RFX3: variants seen among roughly 807,000 people sequenced by gnomAD.
RFX3 encodes the protein regulatory factor X3.
Under a neutral mutation model 98.6 loss-of-function variants are expected in RFX3, and 14 were observed. That is an observed-to-expected ratio of 0.14 (90% CI 0.09 to 0.22). The LOEUF is 0.22. Ranked by LOEUF, RFX3 falls within the 10% of genes least tolerant of loss-of-function variation. The pLI, the probability that RFX3 is intolerant of heterozygous loss-of-function variation, is 1.00. For missense variants in RFX3, 639 were observed against 926.9 expected, an observed-to-expected ratio of 0.69 and a Z score of 4.03; for synonymous variants, 383 against 328.4, an observed-to-expected ratio of 1.17 and a Z score of -1.80.
intron 9 of RFX3, among the ~76,000 whole-genome samples, chr9:3,273,826 C>T (rs1316057330): frequency 1.3e-5 from 2 of 148,496 alleles, no homozygotes; most frequent in Non-Finnish European, 3.0e-5. Context: ...GATCGCACTA[C>T]TGCACTCCAG....
At chr9:3,323,432 G>C (rs972334825) in intron 4 of RFX3, among the ~76,000 whole-genome samples, 1 of 152,128 alleles carries the variant, frequency 6.6e-6, no homozygotes, top group Non-Finnish European at 1.5e-5. Flanking sequence ...TTTTATAAGT[G>C]AAGCATTAAG....
At chr9:3,259,008 A>T (rs1822514608) in intron 13 of RFX3, among the ~76,000 whole-genome samples, 1 of 151,968 alleles carries the variant, frequency 6.6e-6, no homozygotes, top group Non-Finnish European at 1.5e-5. Context: ...CCATCTTTCC[A>T]TGTAGGCAAA....
At chr9:3,312,057 G>T (rs1830024384) in intron 4 of RFX3, among the ~76,000 whole-genome samples, 1 of 152,204 alleles carries the variant, frequency 6.6e-6, no homozygotes, top group Admixed American at 6.5e-5. Flanking sequence ...AATTAATAAT[G>T]TAGGTACTGA....
intron 3 of RFX3, among the ~76,000 whole-genome samples, chr9:3,337,197 G>C (rs989835880): frequency 1.3e-5 from 2 of 152,128 alleles, no homozygotes; most frequent in Non-Finnish European, 2.9e-5. Flanking sequence ...CCATGACTGA[G>C]ATGGGCCATG....
chr9:3,333,440 T>G (rs28458958), intron 3 of RFX3, among the ~76,000 whole-genome samples: 11 of 123,632 alleles, frequency 8.9e-5, no homozygotes, highest in Admixed American at 1.6e-4. Flanking sequence ...AAAATGTTTT[T>G]TTTTTTTTTT....
At chr9:3,468,679 T>C (rs1052085751) in intron 1 of RFX3, among the ~76,000 whole-genome samples, 3 of 152,090 alleles carry the variant, frequency 2.0e-5, no homozygotes, top group Non-Finnish European at 1.5e-5. Context: ...TGCAGCTCCA[T>C]TTGCTTTCTT....
chr9:3,363,902 G>A (rs181254838), intron 2 of RFX3, among the ~76,000 whole-genome samples: 68 of 152,340 alleles, frequency 4.5e-4, no homozygotes, highest in African/African-American at 1.6e-3. Context: ...TTGAGACGGA[G>A]TCTCACTTTG....
At chr9:3,457,189 G>C (rs1456533059) in intron 1 of RFX3, among the ~76,000 whole-genome samples, 19 of 138,140 alleles carry the variant, frequency 1.4e-4, no homozygotes, top group Non-Finnish European at 2.8e-4. Context: ...TTGTCCCAAG[G>C]ATAAACATAA....
Position 3,248,190 on chromosome 9 carries a change from T to C in RFX3, c.1815-5A>G. 3.1e-6 allele frequency: 5 copies of C among 1,589,622 alleles called. No individual in the cohort carries two copies. Among genetic ancestry groups the C allele is most frequent in the Non-Finnish European group, 4.3e-6 (5 of 1,166,478 alleles). ...AAGTCCCGAATAACCATTGAGCTGTTCCAAGAGAAAAGACAAATATGCAGC... is the reference window on the plus strand; with the variant it reads ...AAGTCCCGAATAACCATTGAGCTGTCCCAAGAGAAAAGACAAATATGCAGC... On this transcript the variant is annotated splice_region_variant and splice_polypyrimidine_tract_variant and intron_variant, in intron 14 of 16. Transcript: ENST00000617270.
intron 1 of RFX3, among the ~76,000 whole-genome samples, chr9:3,433,524 T>C (rs1425550019): frequency 6.6e-6 from 1 of 152,202 alleles, no homozygotes; most frequent in East Asian, 1.9e-4. Flanking sequence ...GCAAGCCTAT[T>C]AATAGTTAAG....
chr9:3,510,160 C>T (rs1817530938), intron 1 of RFX3, among the ~76,000 whole-genome samples: 3 of 151,678 alleles, frequency 2.0e-5, no homozygotes, highest in South Asian at 2.1e-4. Context: ...ACATAGTAAA[C>T]GGAAAGTGGA....
At chr9:3,287,817 T>C (rs907446020) in intron 7 of RFX3, among the ~76,000 whole-genome samples, 2 of 151,980 alleles carry the variant, frequency 1.3e-5, no homozygotes, top group Non-Finnish European at 2.9e-5. Flanking sequence ...AGCTCATGAA[T>C]ACTGAAACAA....
At position 3,270,309 on chromosome 9, in the gene RFX3, A is replaced by G. The variant is rs549382260; in HGVS notation, c.1357+62T>C. The G allele has an allele frequency of 2.1e-4, 321 of 1,513,816 alleles. No individual in the cohort carries two copies. In the African/African-American group the frequency reaches 3.2e-3, roughly 15 times the overall value. The allele number at this position is 1,513,816 out of a possible 1,614,324, so 93.8% of individuals were successfully genotyped here. ...ATTCTAGATTGCAATGTCACTTCTC[A>G]AAACTTCCTGGGTGGAATGTATGAG... On this transcript the variant is annotated intron_variant, in intron 11 of 16. Transcript: ENST00000617270.
chr9:3,406,758 T>C (rs950534705), intron 1 of RFX3, among the ~76,000 whole-genome samples: 1 of 152,228 alleles, frequency 6.6e-6, no homozygotes, highest in Non-Finnish European at 1.5e-5. Flanking sequence ...TTTAATCAAA[T>C]TATTGTGTTT....
intron 15 of RFX3, among the ~76,000 whole-genome samples, chr9:3,246,432 T>G (rs991587347): frequency 1.3e-5 from 2 of 152,182 alleles, no homozygotes; most frequent in East Asian, 3.9e-4. Flanking sequence ...CCACTGCCTT[T>G]GTTCCCTAGA....
intron 1 of RFX3, among the ~76,000 whole-genome samples, chr9:3,495,388 A>C (rs1238762575): frequency 1.3e-5 from 2 of 152,034 alleles, no homozygotes; most frequent in Non-Finnish European, 2.9e-5. Context: ...CACAAAATAC[A>C]TCAGAATTAC....
intron 2 of RFX3, among the ~76,000 whole-genome samples, chr9:3,369,653 C>G (rs561092887): frequency 1.3e-5 from 2 of 152,294 alleles, no homozygotes; most frequent in East Asian, 3.9e-4. Context: ...GCTTTGTAAG[C>G]ACTGACAACA....
rs1373849730 is a variant in RFX3, at chr9:3,412,997, C to G, written c.-8-17401G>C. Among the ~76,000 whole-genome samples, 6 of 152,040 alleles carry G rather than the reference C, an allele frequency of 3.9e-5. No homozygotes were observed. The East Asian group carries it at 9.6e-4, about 24-fold the overall frequency. On this transcript the variant is annotated intron_variant, in intron 1 of 16. Coordinates refer to ENST00000617270, the MANE Select transcript of RFX3 (RefSeq NM_001282116.2). ...TATATTGAGTCTAAAAATCACACTT[C>G]TTTAATTGGTTAAAGCACAGCCTTT...
chr9:3,326,289 A>G (rs1037770400), intron 4 of RFX3, among the ~76,000 whole-genome samples: 1 of 152,186 alleles, frequency 6.6e-6, no homozygotes, highest in Non-Finnish European at 1.5e-5. Context: ...TATTCATCAT[A>G]TAAAATTTAA....
Sources: allele counts gnomAD v4.1 joint callset (sites outside exome capture counted in the v4.1 genomes callset), GRCh38; gene constraint gnomAD v4.1.1; transcripts MANE v1.5; gene names NCBI Gene and HGNC (gene_info 2026-07-23, HGNC 2026-07-21).